The following DAP3 variants were observed in gnomAD, a reference collection of about 807,000 sequenced individuals.
DAP3 encodes the protein death associated protein 3, also known as small ribosomal subunit protein mS29.
DAP3 carries 28 observed loss-of-function variants against 51.9 expected under a neutral mutation model. The observed-to-expected ratio is 0.54, with a 90% CI of 0.40 to 0.74. DAP3 has a LOEUF of 0.74. Among genes scored for constraint, DAP3 ranks in the 30% least tolerant of loss-of-function variants. DAP3 has a pLI of 0.00. For synonymous variants in DAP3, 170 were observed against 170.3 expected (o/e 1.00, Z 0.01); for missense variants, 458 against 483.5 (o/e 0.95, Z 0.49).
chr1:155,691,444 A>G (rs1653808938), intron 1 of DAP3, among the ~76,000 whole-genome samples: 1 of 142,384 alleles, frequency 7.0e-6, no homozygotes, highest in Non-Finnish European at 1.5e-5. Context: ...TCGTATTGCC[A>G]AATAATATTC....
At chr1:155,716,012 T>A (rs1657291712) in intron 2 of DAP3, among the ~76,000 whole-genome samples, 1 of 152,200 alleles carries the variant, frequency 6.6e-6, no homozygotes, top group African/African-American at 2.4e-5. Flanking sequence ...ATAACTGAGG[T>A]GACTGACAGA....
At chr1:155,708,701 A>G (rs993332892) in intron 1 of DAP3, among the ~76,000 whole-genome samples, 14 of 125,884 alleles carry the variant, frequency 1.1e-4, no homozygotes, top group Admixed American at 8.1e-5. Flanking sequence ...CTCCTGACTA[A>G]TTTTTTTTTT....
intron 2 of DAP3, among the ~76,000 whole-genome samples, chr1:155,713,092 G>A (rs1253603912): frequency 6.6e-6 from 1 of 152,156 alleles, no homozygotes; most frequent in African/African-American, 2.4e-5. Context: ...AAGTCTGGAT[G>A]GAGGGACAAA....
At chr1:155,729,515 C>T (rs1009807626) in intron 9 of DAP3, 149 bp downstream of exon 9, 1 of 1,128,976 alleles carries the variant, frequency 8.9e-7, no homozygotes, top group Non-Finnish European at 1.2e-6. Context: ...TGCAGTGGCT[C>T]ACGCCTGTAA....
intron 1 of DAP3, among the ~76,000 whole-genome samples, chr1:155,709,455 C>T (rs944759015): frequency 2.6e-5 from 4 of 152,040 alleles, no homozygotes; most frequent in African/African-American, 9.7e-5. Context: ...CCACTGTGTC[C>T]CGCCTGACTT....
chr1:155,736,670 G>T (rs12120997), intron 11 of DAP3: 266 of 390,666 alleles, frequency 6.8e-4, no homozygotes, highest in Non-Finnish European at 1.1e-3. Flanking sequence ...GCCCATCTCA[G>T]CCTCCCAAGG....
At chr1:155,709,700 G>T in intron 1 of DAP3, 73 bp from the exon 2 acceptor site, 1 of 1,300,644 alleles carries the variant, frequency 7.7e-7, no homozygotes, top group Non-Finnish European at 1.1e-6. Flanking sequence ...TTAATCTATT[G>T]TCAGTTTTCC....
chr1:155,731,618 A>C (rs1659250488), intron 10 of DAP3: 2 of 571,756 alleles, frequency 3.5e-6, no homozygotes, highest in South Asian at 2.8e-5. Flanking sequence ...TAATCTTTCC[A>C]AAGTAAGTTT....
chr1:155,688,640 C>A (rs1482897287), upstream of DAP3: 3 of 1,534,356 alleles, frequency 2.0e-6, no homozygotes, highest in African/African-American at 4.1e-5. Context: ...CCGGCTCCAG[C>A]GCAGGCCCTC....
rs532837447 is a variant in DAP3 at position 155,702,813 on chromosome 1, A to G, written c.-7-6960A>G. 3.3e-5 allele frequency among the ~76,000 whole-genome samples: 5 copies of G among 152,178 alleles called. 1 individual carries two copies. In the South Asian group the frequency reaches 1.0e-3, roughly 32 times the overall value. On this transcript the variant is annotated intron_variant, in intron 1 of 12. Transcript: ENST00000368336. ...GCGAAACTCCGTCTTTACTAAAAAT[A>G]CAAAAAATTAGCCAGGCGTGGTGGT...
intron 11 of DAP3, 195 bp downstream of exon 11, chr1:155,732,228 CTTTTCT>C: frequency 8.1e-6 from 3 of 368,110 alleles, no homozygotes; most frequent in East Asian, 1.1e-4. Flanking sequence ...TCCAGAGTTT[CTTTTCT>C]TTTTTTTTTT....
intron 1 of DAP3, among the ~76,000 whole-genome samples, chr1:155,701,834 C>T (rs528766817): frequency 5.3e-5 from 8 of 151,746 alleles, no homozygotes; most frequent in South Asian, 2.1e-4. Context: ...CTTGTGTTTT[C>T]ACAACCCTTA....
intron 3 of DAP3, 148 bp from the exon 4 acceptor site, chr1:155,721,369 T>G (rs995031378): frequency 2.3e-5 from 8 of 349,346 alleles, no homozygotes; most frequent in Admixed American, 4.5e-5. Flanking sequence ...TATATATATA[T>G]GTATGTATGT....
intron 3 of DAP3, among the ~76,000 whole-genome samples, chr1:155,721,040 A>G (rs1657936599): frequency 6.6e-6 from 1 of 150,376 alleles, no homozygotes; most frequent in Non-Finnish European, 1.5e-5. Context: ...CTGTCTCAAA[A>G]AAAAAAGAAG....
At chr1:155,729,423 G>A in intron 9 of DAP3, 57 bp downstream of exon 9, 1 of 1,594,940 alleles carries the variant, frequency 6.3e-7, no homozygotes, top group Non-Finnish European at 8.5e-7. Flanking sequence ...CATCAGTATG[G>A]AGGCTGGGTC....
At chr1:155,704,172 T>TA (rs1486428595) in intron 1 of DAP3, among the ~76,000 whole-genome samples, 1 of 152,164 alleles carries the variant, frequency 6.6e-6, no homozygotes, top group Non-Finnish European at 1.5e-5. Context: ...AGTGAGGAAA[T>TA]ACTGAAGAAT....
At chr1:155,733,955 A>G (rs942678013) in intron 11 of DAP3, among the ~76,000 whole-genome samples, 7 of 152,134 alleles carry the variant, frequency 4.6e-5, no homozygotes, top group African/African-American at 1.7e-4. Flanking sequence ...GGAGTTTGAG[A>G]CCAGCCTGGG....
rs1450191562 is a variant in DAP3, at chr1:155,736,714, G to T, written c.994-232G>T. ...TTACAGGTGTGAGTCACTGTGCCCA[G>T]CCACCTCTTTTTAATATATAGCATT... On this transcript the variant is annotated intron_variant, in intron 11 of 12. Coordinates refer to ENST00000368336, the MANE Select transcript of DAP3 (RefSeq NM_004632.4). 9 of 492,752 alleles carry T rather than the reference G, an allele frequency of 1.8e-5. No individual in the cohort carries two copies. In the East Asian group the frequency reaches 3.5e-4, roughly 19 times the overall value. The allele number at this position is 492,752 out of a possible 1,614,324, so 30.5% of individuals were successfully genotyped here. A position where few individuals can be genotyped will look rare whatever the true frequency, so the allele number is the denominator to read the frequency against.
chr1:155,727,593 C>T lies in DAP3; in HGVS notation c.473-15C>T, dbSNP rs779631240. The T allele has an allele frequency of 8.1e-6, 13 of 1,607,890 alleles. No individual in the cohort carries two copies. The highest frequency in any genetic ancestry group is 1.0e-5 in the Non-Finnish European group (12 of 1,177,344). On this transcript the variant is annotated splice_polypyrimidine_tract_variant and intron_variant, in intron 6 of 12. Coordinates refer to ENST00000368336, the MANE Select transcript of DAP3 (RefSeq NM_004632.4). ...TTCTGCCTGGCTTGTTTTCTTCTGC[C>T]TCTTTTTTTTAAAGCTCATCTTTGG...
Sources: allele counts gnomAD v4.1 joint callset (sites outside exome capture counted in the v4.1 genomes callset), GRCh38; gene constraint gnomAD v4.1.1; transcripts MANE v1.5; gene names NCBI Gene and HGNC (gene_info 2026-07-23, HGNC 2026-07-21).